Variants in LITAF observed in about 807,000 individuals in gnomAD.
LITAF encodes the protein lipopolysaccharide-induced tumor necrosis factor-alpha factor.
LITAF carries 9 observed loss-of-function variants against 14.5 expected under a neutral mutation model. The observed-to-expected ratio is 0.62, with a 90% CI of 0.37 to 1.08. The LOEUF (loss-of-function observed/expected upper bound fraction) is 1.08. Ranked by LOEUF, LITAF falls within the 50% of genes least tolerant of loss-of-function variation. The probability of loss-of-function intolerance (pLI) is 0.01; values close to 1 mark genes in which losing one functional copy is unlikely to be tolerated. For synonymous variants in LITAF, 98 were observed against 88.2 expected (o/e 1.11, Z -0.62); for missense variants, 206 against 213.4 (o/e 0.97, Z 0.22).
At chr16:11,560,657 G>A (rs376351642) in intron 1 of LITAF, among the ~76,000 whole-genome samples, 35 of 152,058 alleles carry the variant, frequency 2.3e-4, no homozygotes, top group African/African-American at 8.0e-4. Context: ...CTAATATACA[G>A]CAAAGCTGTG....
At chr16:11,615,498 T>C (rs1007458114) in intron 3 of LITAF, among the ~76,000 whole-genome samples, 5 of 151,658 alleles carry the variant, frequency 3.3e-5, no homozygotes, top group South Asian at 2.1e-4. Context: ...GATCACACCA[T>C]TGCACTGCAG....
chr16:11,575,867 C>A (rs1178717410), intron 1 of LITAF, among the ~76,000 whole-genome samples: 1 of 152,080 alleles, frequency 6.6e-6, no homozygotes, highest in East Asian at 1.9e-4. Flanking sequence ...TTTTTCTTTT[C>A]TTTTTTCTTT....
Position 11,553,286 on chromosome 16 carries a change from C to T in LITAF, c.377+247G>A. On this transcript the variant is annotated intron_variant, in intron 3 of 3. Transcript: ENST00000622633. This position sits in a 1 kb window ranked among gnomAD's most constrained non-coding sequence, Gnocchi z 7.7. The stretch of plus-strand genomic sequence containing the variant: ...ATAAGCTGGGCGTGGTTGTGCACCC[C>T]TATAATCCCAGCTACACGGGACGCT... 2.1e-6 allele frequency: 1 copy of T among 480,094 alleles called. No homozygotes were observed. The highest frequency in any genetic ancestry group is 2.0e-5 in the South Asian group (1 of 49,596). 29.7% of individuals were successfully genotyped at this position (480,094 alleles called of 1,614,324 possible).
chr16:11,615,896 G>A (rs931415298), intron 3 of LITAF, among the ~76,000 whole-genome samples: 3 of 152,162 alleles, frequency 2.0e-5, no homozygotes, highest in Admixed American at 2.0e-4. Context: ...AATGCTTAGA[G>A]GGTTAGAAGG....
At chr16:11,607,204 G>A (rs2064959275) in intron 3 of LITAF, among the ~76,000 whole-genome samples, 2 of 152,190 alleles carry the variant, frequency 1.3e-5, no homozygotes, top group African/African-American at 2.4e-5. Flanking sequence ...GGTGCCCCAT[G>A]TATAGCTGCC....
chr16:11,630,846 C>T (rs2065114357), intron 3 of LITAF, among the ~76,000 whole-genome samples: 1 of 152,136 alleles, frequency 6.6e-6, no homozygotes, highest in African/African-American at 2.4e-5. Context: ...ATCCTCCCGC[C>T]TCAGCCTCCC....
Position 11,549,839 on chromosome 16 carries a change from A to T in LITAF, c.378-94T>A. 1.0e-6 allele frequency: 1 copy of T among 996,498 alleles called. No individual in the cohort carries two copies. The highest frequency in any genetic ancestry group is 2.6e-5 in the East Asian group (1 of 37,798). 61.7% of individuals were successfully genotyped at this position (996,498 alleles called of 1,614,324 possible). On this transcript the variant is annotated intron_variant, in intron 3 of 3. Coordinates refer to ENST00000622633, the MANE Select transcript of LITAF (RefSeq NM_001136472.2). The surrounding 1 kb of genome is among the most constrained non-coding windows in gnomAD (Gnocchi z 4.6). ...CATGTTCATGTCCTTCTTTGTAAAA[A>T]GGGTCTTTGCCAGTATAATTAGGAA...
At chr16:11,573,358 G>A (rs1007050167) in intron 1 of LITAF, among the ~76,000 whole-genome samples, 4 of 152,146 alleles carry the variant, frequency 2.6e-5, no homozygotes, top group Non-Finnish European at 5.9e-5. Context: ...TCGATAAACT[G>A]AGGCTCCTGC....
Position 11,549,014 on chromosome 16 carries a change from A to C in LITAF, c.*623T>G, listed in dbSNP as rs1327961840. On this transcript the variant is annotated 3_prime_UTR_variant, in exon 4 of 4. Transcript: ENST00000622633. This position sits in a 1 kb window ranked among gnomAD's most constrained non-coding sequence, Gnocchi z 4.6. ...CTAGCATGCATTTACGACCTTGTGG[A>C]TATGTCTGTACTGGGTGTTAATAGC... 2.2e-6 allele frequency: 1 copy of C among 453,790 alleles called. No homozygotes were observed. Among genetic ancestry groups the C allele is most frequent in the Non-Finnish European group, 4.4e-6 (1 of 226,764 alleles). 28.1% of individuals were successfully genotyped at this position (453,790 alleles called of 1,614,324 possible).
At position 11,605,464 on chromosome 16, in the gene LITAF, C is replaced by T. The variant is rs145275807; in HGVS notation, c.85+28069G>A. On this transcript the variant is annotated intron_variant, in intron 3 of 3. Transcript: ENST00000574848. The surrounding 1 kb of genome is among the most constrained non-coding windows in gnomAD (Gnocchi z 4.7). Reference sequence around the variant, plus strand: ...CTTCACAGTGTGGGGGACCCCTTCCCAGCCCCGTGTCTCTCTTTACAGCCC... The same window carrying T: ...CTTCACAGTGTGGGGGACCCCTTCCTAGCCCCGTGTCTCTCTTTACAGCCC... Among the ~76,000 whole-genome samples the T allele has an allele frequency of 1.7e-3, 257 of 152,258 alleles. 3 individuals are homozygous for T. Among genetic ancestry groups the T allele is most frequent in the African/African-American group, 5.6e-3 (232 of 41,544 alleles).
intron 1 of LITAF, among the ~76,000 whole-genome samples, chr16:11,583,345 C>G (rs1459790816): frequency 6.6e-6 from 1 of 152,136 alleles, no homozygotes. Flanking sequence ...GGCTGCTCCC[C>G]CACAATCAGA....
At chr16:11,612,378 T>C (rs1250080733) in intron 3 of LITAF, among the ~76,000 whole-genome samples, 2 of 152,044 alleles carry the variant, frequency 1.3e-5, no homozygotes, top group African/African-American at 2.4e-5. Flanking sequence ...GCCTGGAGGG[T>C]TGGTGAAGAG....
intron 1 of LITAF, among the ~76,000 whole-genome samples, chr16:11,582,520 C>T (rs1348236940): frequency 6.6e-6 from 1 of 151,994 alleles, no homozygotes; most frequent in East Asian, 1.9e-4. Context: ...TCGATTCTTC[C>T]AGGAAGAAAA....
At chr16:11,572,065 G>C (rs973215613) in intron 1 of LITAF, among the ~76,000 whole-genome samples, 18 of 151,974 alleles carry the variant, frequency 1.2e-4, no homozygotes, top group African/African-American at 4.3e-4. Context: ...CTCCTGCCTG[G>C]GTGAAAGAGC....
chr16:11,580,531 C>T (rs968259678), intron 1 of LITAF, among the ~76,000 whole-genome samples: 4 of 152,116 alleles, frequency 2.6e-5, no homozygotes, highest in Admixed American at 6.6e-5. Flanking sequence ...GCTGGTATTA[C>T]AGGCGTGAGC....
chr16:11,600,844 C>G (rs1786773622), upstream of LITAF, among the ~76,000 whole-genome samples: 1 of 152,084 alleles, frequency 6.6e-6, no homozygotes, highest in Non-Finnish European at 1.5e-5. The surrounding 1 kb of genome is among the most constrained non-coding windows in gnomAD (Gnocchi z 4.1). Flanking sequence ...TCTTCCCCAC[C>G]CTCCTCCTCC....
At chr16:11,581,346 T>TA (rs1334533552) in intron 1 of LITAF, among the ~76,000 whole-genome samples, 2 of 152,060 alleles carry the variant, frequency 1.3e-5, no homozygotes, top group African/African-American at 4.8e-5. Context: ...AAGTTCAATT[T>TA]AAAAAAACAA....
rs1265899463 is a variant in LITAF at position 11,576,856 on chromosome 16, C to T, written c.-6+10030G>A. 3.3e-5 allele frequency among the ~76,000 whole-genome samples: 5 copies of T among 152,172 alleles called. No homozygotes were observed. The South Asian group carries it at 6.2e-4, about 19-fold the overall frequency. Reference sequence around the variant, plus strand: ...ACCTTATTTGGGAGTCTTCTATTTGCTTACTTCCTTTGTTCTGGCCAAATT... The same window carrying T: ...ACCTTATTTGGGAGTCTTCTATTTGTTTACTTCCTTTGTTCTGGCCAAATT... On this transcript the variant is annotated intron_variant, in intron 1 of 3. Coordinates refer to ENST00000622633, the MANE Select transcript of LITAF (RefSeq NM_001136472.2).
intron 3 of LITAF, among the ~76,000 whole-genome samples, chr16:11,624,935 T>C (rs1247643999): frequency 6.6e-6 from 1 of 152,090 alleles, no homozygotes; most frequent in Non-Finnish European, 1.5e-5. Context: ...GACTGCCCGA[T>C]AAGACTACCC....
Sources: gnomAD v4.1 joint callset for allele counts (sites outside exome capture counted in the v4.1 genomes callset) on GRCh38, gnomAD v4.1.1 for gene constraint, Gnocchi (gnomAD v3.1) non-coding constraint, MANE v1.5 for transcripts, NCBI Gene and HGNC (gene_info 2026-07-23, HGNC 2026-07-21) for gene names.